Variants in GATA3 observed in about 807,000 individuals in gnomAD.
GATA3 encodes GATA binding protein 3, also known as trans-acting T-cell-specific transcription factor GATA-3.
GATA3 carries 6 observed loss-of-function variants against 36.0 expected under a neutral mutation model. The observed-to-expected ratio is 0.17, with a 90% CI of 0.09 to 0.33. The LOEUF is 0.33. GATA3 is among the 10% of genes least tolerant of loss of function. GATA3 has a pLI of 1.00. For missense variants in GATA3, 514 were observed against 610.1 expected (o/e 0.84, Z 1.66); for synonymous variants, 326 against 273.0 (o/e 1.19, Z -1.92).
At position 8,054,901 on chromosome 10, in the gene GATA3, G is replaced by C. The variant is rs1275628653; in HGVS notation, c.-370+10G>C. The C allele has an allele frequency of 6.9e-6, 1 of 144,916 alleles. No individual in the cohort carries two copies. Among genetic ancestry groups the C allele is most frequent in the Non-Finnish European group, 1.5e-5 (1 of 68,252 alleles). The allele number at this position is 144,916 out of a possible 1,614,324, so 9.0% of individuals were successfully genotyped here. A position where few individuals can be genotyped will look rare whatever the true frequency, so the allele number is the denominator to read the frequency against. On this transcript the variant is annotated intron_variant, in intron 1 of 5. Transcript: ENST00000379328. This position sits in a 1 kb window ranked among gnomAD's most constrained non-coding sequence, Gnocchi z 4.2. Reference sequence around the variant, plus strand: ...GCTCTTCGCTACCCAGGTTGGTACTGGTGACTTTTTTTTTTTTTAAGTTTG... The same window carrying C: ...GCTCTTCGCTACCCAGGTTGGTACTCGTGACTTTTTTTTTTTTTAAGTTTG...
In GATA3 at chr10:8,075,118, T is replaced by A. The variant is rs1588392531; in HGVS notation, c.*1095T>A. 5 of 232,946 alleles carry A rather than the reference T, an allele frequency of 2.1e-5. No homozygotes were observed. Among genetic ancestry groups the A allele is most frequent in the Middle Eastern group, 2.6e-3 (2 of 782 alleles). 14.4% of individuals were successfully genotyped at this position (232,946 alleles called of 1,614,324 possible). A position where few individuals can be genotyped will look rare whatever the true frequency, so the allele number is the denominator to read the frequency against. On this transcript the variant is annotated 3_prime_UTR_variant, in exon 6 of 6. Transcript: ENST00000379328. Reference sequence around the variant, plus strand: ...TGCCTCTTCGCCCTGTCGTGTTCTGTGTTAGTGATCACTGCCTTTAATACA... The same window carrying A: ...TGCCTCTTCGCCCTGTCGTGTTCTGAGTTAGTGATCACTGCCTTTAATACA...
intron 5 of GATA3, among the ~76,000 whole-genome samples, chr10:8,071,048 CACTGCCT>C (rs1832923226): frequency 6.6e-6 from 1 of 152,196 alleles, no homozygotes. Flanking sequence ...CAGTCATCAG[CACTGCCT>C]ATGAAATTAT....
chr10:8,056,742 G>A (rs1208120903), intron 2 of GATA3, among the ~76,000 whole-genome samples: 1 of 152,102 alleles, frequency 6.6e-6, no homozygotes, highest in African/African-American at 2.4e-5. Context: ...GGCAATTCCA[G>A]TACCACCTCT....
intron 5 of GATA3, among the ~76,000 whole-genome samples, chr10:8,070,464 A>G (rs1832913745): frequency 6.6e-6 from 1 of 152,062 alleles, no homozygotes; most frequent in Non-Finnish European, 1.5e-5. Context: ...CTCTAAAGAC[A>G]AAAATGGTTA....
chr10:8,047,424 C>T (rs1406234387), intron 1 of GATA3, among the ~76,000 whole-genome samples: 3 of 152,242 alleles, frequency 2.0e-5, no homozygotes, highest in Non-Finnish European at 2.9e-5. Context: ...TTCTTGGTGC[C>T]TAAGCCATTT....
At chr10:8,052,508 A>C (rs986240334), upstream of GATA3, 1 of 152,184 alleles carries the variant, frequency 6.6e-6, no homozygotes. Flanking sequence ...TTCGGCTCTG[A>C]GGTCTCCGCG....
intron 1 of GATA3, among the ~76,000 whole-genome samples, chr10:8,048,213 G>T (rs978962914): frequency 6.6e-6 from 1 of 152,218 alleles, no homozygotes; most frequent in Non-Finnish European, 1.5e-5. Context: ...GGGGGTTGGG[G>T]CTGTGGTTGG....
rs1183434121 is a variant in GATA3 at position 8,074,028 on chromosome 10, C to T, written c.*5C>T. ...ATGGTCACCGCCATGGGTTAGAGCC[C>T]TGCTCGATGCTCACAGGGCCCCCAG... On this transcript the variant is annotated 3_prime_UTR_variant, in exon 6 of 6. Transcript: ENST00000379328. The T allele has an allele frequency of 6.2e-7, 1 of 1,613,812 alleles. No individual in the cohort carries two copies. The highest frequency in any genetic ancestry group is 1.1e-5 in the South Asian group (1 of 91,070).
upstream of GATA3, among the ~76,000 whole-genome samples, chr10:8,051,894 C>A (rs1345705734): frequency 6.6e-6 from 1 of 152,190 alleles, no homozygotes; most frequent in Non-Finnish European, 1.5e-5. Context: ...GCCTCTCCAG[C>A]CTCGCTCCCT....
At chr10:8,073,623 G>T in intron 5 of GATA3, 116 bp from the exon 6 acceptor site, 1 of 1,186,552 alleles carries the variant, frequency 8.4e-7, no homozygotes, top group Admixed American at 2.4e-5. Context: ...AGCTGAAATG[G>T]AAACAGATCC....
At chr10:8,062,283 A>C (rs1452085443) in intron 3 of GATA3, among the ~76,000 whole-genome samples, 1 of 151,716 alleles carries the variant, frequency 6.6e-6, no homozygotes, top group Non-Finnish European at 1.5e-5. Context: ...TCTGGGGCAC[A>C]GCAAAGGCTC....
chr10:8,056,802 A>G (rs994064714), intron 2 of GATA3, among the ~76,000 whole-genome samples: 1 of 152,114 alleles, frequency 6.6e-6, no homozygotes, highest in African/African-American at 2.4e-5. Context: ...ATGTAAAAAA[A>G]GAAGACCAGG....
At chr10:8,069,132 C>T (rs2131510487) in intron 4 of GATA3, among the ~76,000 whole-genome samples, 1 of 152,242 alleles carries the variant, frequency 6.6e-6, no homozygotes, top group South Asian at 2.1e-4. Context: ...TTCAAAATTG[C>T]CACCCATAAA....
chr10:8,050,168 T>C (rs1004947722), upstream of GATA3, among the ~76,000 whole-genome samples: 4 of 152,240 alleles, frequency 2.6e-5, no homozygotes, highest in African/African-American at 9.6e-5. Context: ...CCTCGGCCAC[T>C]CTTCCAGAGC....
chr10:8,061,368 C>G (rs763757708), intron 3 of GATA3, among the ~76,000 whole-genome samples: 2 of 152,216 alleles, frequency 1.3e-5, no homozygotes, highest in Non-Finnish European at 2.9e-5. Context: ...TCCCTACCCC[C>G]TCCCACAGCC....
intron 4 of GATA3, among the ~76,000 whole-genome samples, chr10:8,065,450 G>T (rs1832821343): frequency 6.6e-6 from 1 of 151,570 alleles, no homozygotes; most frequent in East Asian, 1.9e-4. Context: ...TAGAGACAGG[G>T]TTTCGCCTTT....
In GATA3 at chr10:8,054,958, A is replaced by T. The variant is rs1832597539; in HGVS notation, c.-370+67A>T. 6.3e-6 allele frequency: 1 copy of T among 158,202 alleles called. No homozygotes were observed. The highest frequency in any genetic ancestry group is 2.0e-4 in the South Asian group (1 of 4,886). The allele number at this position is 158,202 out of a possible 1,614,324, so 9.8% of individuals were successfully genotyped here. A position where few individuals can be genotyped will look rare whatever the true frequency, so the allele number is the denominator to read the frequency against. On this transcript the variant is annotated intron_variant, in intron 1 of 5. Coordinates refer to ENST00000379328, the MANE Select transcript of GATA3 (RefSeq NM_001002295.2). This position sits in a 1 kb window ranked among gnomAD's most constrained non-coding sequence, Gnocchi z 4.2. ...TGCCCCCAACCACTTGGGAGGACCT[A>T]AATCAATTTTAAAAACTCAACTCTC...
chr10:8,049,348 G>A (rs1263878779), upstream of GATA3, among the ~76,000 whole-genome samples: 3 of 152,224 alleles, frequency 2.0e-5, no homozygotes, highest in East Asian at 3.9e-4. Flanking sequence ...CCTGCTCTCT[G>A]GGTTTTGTTT....
upstream of GATA3, chr10:8,053,812 G>T (rs521143): frequency 0.056 from 8,482 of 152,324 alleles, 786 homozygotes; most frequent in African/African-American, 0.19. This position sits in a 1 kb window ranked among gnomAD's most constrained non-coding sequence, Gnocchi z 5.1. Context: ...GAAAGGAAAA[G>T]TTGGGTCCCT....
Sources: allele counts gnomAD v4.1 joint callset (sites outside exome capture counted in the v4.1 genomes callset), GRCh38; gene constraint gnomAD v4.1.1; non-coding constraint Gnocchi (gnomAD v3.1); transcripts MANE v1.5; gene names NCBI Gene and HGNC (gene_info 2026-07-23, HGNC 2026-07-21).